The following KIF18B variants were observed in gnomAD, a reference collection of about 807,000 sequenced individuals.
KIF18B encodes kinesin family member 18B.
Under a neutral mutation model 80.9 loss-of-function variants are expected in KIF18B, and 49 were observed. The observed-to-expected ratio is 0.61, with a 90% CI of 0.48 to 0.77. KIF18B has a LOEUF of 0.77. Ranked by LOEUF, KIF18B falls within the 30% of genes least tolerant of loss-of-function variation. The pLI is 0.00. For synonymous variants in KIF18B, 439 were observed against 463.9 expected (o/e 0.95, Z 0.69); for missense variants, 994 against 1,127.7 (o/e 0.88, Z 1.70).
Position 44,926,479 on chromosome 17 carries a change from C to A in KIF18B, c.2387G>T (p.Arg796Leu). ...RVASSSVSHG[R>L]SRIARLPSST... is the part of the protein sequence containing the mutation. ...GCTGGGGAGGCGGGCGATGCGGCTG[C>A]GGCCATGGGAGACTGAGGAACTGAG... The change falls in exon 15 of 16, where the codon CGC (arginine) becomes CTC (leucine). Residue 796 changes from arginine (R) to leucine (L), a missense_variant. By Grantham distance (102) the Arg-to-Leu change is moderately radical (BLOSUM62 -2). Transcript: ENST00000593135. The A allele has an allele frequency of 6.3e-7, 1 of 1,586,774 alleles. No individual in the cohort carries two copies. The highest frequency in any genetic ancestry group is 8.6e-7 in the Non-Finnish European group (1 of 1,168,384).
chr17:44,940,214 T>C (rs1188048541), intron 1 of KIF18B, among the ~76,000 whole-genome samples: 3 of 152,264 alleles, frequency 2.0e-5, no homozygotes, highest in Non-Finnish European at 1.5e-5. Flanking sequence ...TCATTGATTA[T>C]CTTAAGTCTT....
At chr17:44,940,207 T>C (rs2052389579) in intron 1 of KIF18B, among the ~76,000 whole-genome samples, 1 of 152,258 alleles carries the variant, frequency 6.6e-6, no homozygotes, top group Non-Finnish European at 1.5e-5. Flanking sequence ...TAGATTGTCA[T>C]TGATTATCTT....
chr17:44,932,116 T>C lies in KIF18B; in HGVS notation c.1329A>G (p.Glu443=). 1 of 1,613,928 alleles carries C rather than the reference T, an allele frequency of 6.2e-7. No individual in the cohort carries two copies. The highest frequency in any genetic ancestry group is 8.5e-7 in the Non-Finnish European group (1 of 1,179,844). The change falls in exon 10 of 16, where the codon GAA becomes GAG. Residue 443 remains glutamate, a synonymous_variant. Coordinates refer to ENST00000593135, the MANE Select transcript of KIF18B (RefSeq NM_001265577.2). The part of the protein sequence containing the change: ...GMEAQVERAM[E]GNSSDQEQSP... ...ACTGCTCCTGGTCTGAAGAGTTCCC[T>C]TCCATGGCCCTCTCCACCTGGGCCT...
chr17:44,937,932 G>A (rs8072356), intron 1 of KIF18B, among the ~76,000 whole-genome samples: 90,015 of 151,302 alleles, frequency 0.59, 28,266 homozygotes, highest in African/African-American at 0.83. Context: ...TGGGGTTATT[G>A]TTAGGAAAGT....
In KIF18B at chr17:44,936,252, C is replaced by T; in HGVS notation, c.93G>A (p.Gln31=). ...ACACCAGCACCCGCTCGTCCACCACCTGAACCACTGGCCGCCGCTGACTGT... is the reference window on the plus strand; with the variant it reads ...ACACCAGCACCCGCTCGTCCACCACTTGAACCACTGGCCGCCGCTGACTGT... ...ELDSQRRPVV[Q]VVDERVLVFN... is the part of the protein sequence containing the mutation. The change falls in exon 2 of 16, where the codon CAG becomes CAA. Residue 31 remains glutamine (Q), a synonymous_variant. Coordinates refer to ENST00000593135, the MANE Select transcript of KIF18B (RefSeq NM_001265577.2). 5 of 1,610,896 alleles carry T rather than the reference C, an allele frequency of 3.1e-6. No homozygotes were observed. The highest frequency in any genetic ancestry group is 4.2e-6 in the Non-Finnish European group (5 of 1,179,170).
Position 44,927,014 on chromosome 17 carries a change from CA to C in KIF18B, c.2340del (p.Ala781ProfsTer27), listed in dbSNP as rs1315433807. On this transcript the variant is annotated frameshift_variant, in exon 14 of 16. Coordinates refer to ENST00000593135, the MANE Select transcript of KIF18B (RefSeq NM_001265577.2). LOFTEE classifies it high-confidence loss of function. This position sits in a 1 kb window ranked among gnomAD's most constrained non-coding sequence, Gnocchi z 4.1. ...CTCGCAACGCGCTTCTTCTTGCAGG[CA>C]GAGGTCCCAGGGAGGGAAGATGTTG... Reference protein sequence around the residue: ...PKPTSSLPGTSACKKKRVASS... With the variant: ...PKPTSSLPGTXACKKKRVASS... The C allele has an allele frequency of 6.2e-7, 1 of 1,612,272 alleles. No individual in the cohort carries two copies. The highest frequency in any genetic ancestry group is 8.5e-7 in the Non-Finnish European group (1 of 1,179,316).
At position 44,934,681 on chromosome 17, in the gene KIF18B, G is replaced by A; in HGVS notation, c.577-64C>T. ...CGGATCAGGACTTTTCCCCTAACAG[G>A]AAGGGCTGCTCTTCAGAATCTACAT... On this transcript the variant is annotated intron_variant, in intron 4 of 15. Coordinates refer to ENST00000593135, the MANE Select transcript of KIF18B (RefSeq NM_001265577.2). This position sits in a 1 kb window ranked among gnomAD's most constrained non-coding sequence, Gnocchi z 5.4. 2.9e-6 allele frequency: 4 copies of A among 1,396,852 alleles called. No individual in the cohort carries two copies. The highest frequency in any genetic ancestry group is 3.9e-6 in the Non-Finnish European group (4 of 1,028,294). The allele number at this position is 1,396,852 out of a possible 1,614,324, so 86.5% of individuals were successfully genotyped here.
chr17:44,946,256 G>C (rs1212613195), intron 1 of KIF18B, among the ~76,000 whole-genome samples: 1 of 152,058 alleles, frequency 6.6e-6, no homozygotes, highest in East Asian at 1.9e-4. Flanking sequence ...CAGTATACAT[G>C]TATACTTTTT....
At position 44,926,412 on chromosome 17, in the gene KIF18B, A is replaced by C; in HGVS notation, c.2452+2T>G. The C allele has an allele frequency of 6.4e-7, 1 of 1,569,850 alleles. No individual in the cohort carries two copies. Among genetic ancestry groups the C allele is most frequent in the Non-Finnish European group, 8.6e-7 (1 of 1,157,614 alleles). Reference sequence around the variant, plus strand: ...GCTATCCCTGTCCCTAGTGCCAGTCACCTGGGAGTACAAGGGGCCCAGCTG... The same window carrying C: ...GCTATCCCTGTCCCTAGTGCCAGTCCCCTGGGAGTACAAGGGGCCCAGCTG... On this transcript the variant is annotated splice_donor_variant, in intron 15 of 15. Coordinates refer to ENST00000593135, the MANE Select transcript of KIF18B (RefSeq NM_001265577.2). LOFTEE classifies it high-confidence loss of function.
In KIF18B at chr17:44,928,198, C is replaced by T. The variant is rs868670770; in HGVS notation, c.2104G>A (p.Gly702Ser). ...GAGCAGTTCTGCATGGCGGAAGGGC[C>T]CAGGGGCACCCGGCTTTTGATGACT... Reference protein sequence around the residue: ...ATVIKSRVPLGPSAMQNCSTP... With the variant: ...ATVIKSRVPLSPSAMQNCSTP... The change falls in exon 13 of 16, where the codon GGC becomes AGC. Residue 702 changes from glycine to serine, a missense_variant. By Grantham distance (56) the Gly-to-Ser change is moderately conservative. Coordinates refer to ENST00000593135, the MANE Select transcript of KIF18B (RefSeq NM_001265577.2). The T allele has an allele frequency of 1.2e-6, 2 of 1,612,374 alleles. No individual in the cohort carries two copies. Among genetic ancestry groups the T allele is most frequent in the South Asian group, 2.2e-5 (2 of 90,886 alleles).
chr17:44,939,859 C>G (rs2052383477), intron 1 of KIF18B, among the ~76,000 whole-genome samples: 1 of 152,194 alleles, frequency 6.6e-6, no homozygotes, highest in African/African-American at 2.4e-5. Context: ...ATCGCCCAGG[C>G]TGGAGTGCAG....
rs547086894 is a variant in KIF18B at position 44,934,101 on chromosome 17, TG to T, written c.886-3del. The stretch of plus-strand genomic sequence containing the variant: ...GTAGGGCACATGGGTCTTGCGGCCC[TG>T]GGGGGCAGTAAGCAGGTGTGGGGTG... On this transcript the variant is annotated splice_region_variant and splice_polypyrimidine_tract_variant and intron_variant, in intron 6 of 15. Coordinates refer to ENST00000593135, the MANE Select transcript of KIF18B (RefSeq NM_001265577.2). This position sits in a 1 kb window ranked among gnomAD's most constrained non-coding sequence, Gnocchi z 5.4. 4 of 1,612,000 alleles carry T rather than the reference TG, an allele frequency of 2.5e-6. No homozygotes were observed. The East Asian group carries it at 8.9e-5, about 36-fold the overall frequency.
At chr17:44,944,720 A>C (rs1318676658) in intron 1 of KIF18B, among the ~76,000 whole-genome samples, 1 of 152,230 alleles carries the variant, frequency 6.6e-6, no homozygotes, top group African/African-American at 2.4e-5. Context: ...ATTTTAAACT[A>C]ACTCAGTTTC....
chr17:44,927,994 C>T lies in KIF18B; in HGVS notation c.2276+32G>A. The T allele has an allele frequency of 6.7e-7, 1 of 1,499,386 alleles. No homozygotes were observed. Among genetic ancestry groups the T allele is most frequent in the Non-Finnish European group, 8.9e-7 (1 of 1,121,318 alleles). 92.9% of individuals were successfully genotyped at this position (1,499,386 alleles called of 1,614,324 possible). A position where few individuals can be genotyped will look rare whatever the true frequency, so the allele number is the denominator to read the frequency against. ...TCCCTTGCTGACCACTGACCACTGA[C>T]AGGAGGGGTGGAGCGAGACTGGGAG... On this transcript the variant is annotated intron_variant, in intron 13 of 15. Transcript: ENST00000593135. This position sits in a 1 kb window ranked among gnomAD's most constrained non-coding sequence, Gnocchi z 4.1.
At position 44,934,172 on chromosome 17, in the gene KIF18B, G is replaced by C; in HGVS notation, c.885+61C>G. On this transcript the variant is annotated intron_variant, in intron 6 of 15. Coordinates refer to ENST00000593135, the MANE Select transcript of KIF18B (RefSeq NM_001265577.2). This position sits in a 1 kb window ranked among gnomAD's most constrained non-coding sequence, Gnocchi z 5.4. ...CCCAGGATGGGGCCCTGTGGCCTTTGGCCCTGGGTTCAGGTGCTCAGTTGC... is the reference window on the plus strand; with the variant it reads ...CCCAGGATGGGGCCCTGTGGCCTTTCGCCCTGGGTTCAGGTGCTCAGTTGC... 6.3e-7 allele frequency: 1 copy of C among 1,595,370 alleles called. No individual in the cohort carries two copies. The highest frequency in any genetic ancestry group is 1.3e-5 in the African/African-American group (1 of 74,800).
intron 1 of KIF18B, among the ~76,000 whole-genome samples, chr17:44,947,013 G>A (rs1038349090): frequency 3.4e-5 from 5 of 147,712 alleles, no homozygotes; most frequent in Non-Finnish European, 5.9e-5. Context: ...GAAGGCTGAG[G>A]TAGGAGAATC....
intron 11 of KIF18B, 53 bp from the exon 12 acceptor site, chr17:44,929,077 G>A (rs988391091): frequency 4.2e-5 from 63 of 1,497,014 alleles, no homozygotes; most frequent in African/African-American, 5.5e-5. Context: ...GCCTGACCAG[G>A]AGCCTCTATG....
intron 1 of KIF18B, among the ~76,000 whole-genome samples, chr17:44,944,876 C>G (rs1449175536): frequency 6.6e-6 from 1 of 152,138 alleles, no homozygotes; most frequent in African/African-American, 2.4e-5. Context: ...TGCCGTTTCT[C>G]TTTCTTTTAA....
In KIF18B at chr17:44,936,084, C is replaced by T. The variant is rs773120577; in HGVS notation, c.261G>A (p.Gln87=). The T allele has an allele frequency of 2.5e-6, 4 of 1,613,814 alleles. No individual in the cohort carries two copies. The East Asian group carries it at 8.9e-5, about 36-fold the overall frequency. ...TGTCCAGGACGCTGTGCGTGGTGTG[C>T]TGGAACACGTCCTGTTGGGTGGCCG... The part of the protein sequence containing the change: ...GEAATQQDVF[Q]HTTHSVLDSF... The change falls in exon 2 of 16, where the codon CAG becomes CAA. Residue 87 remains glutamine, a synonymous_variant. Coordinates refer to ENST00000593135, the MANE Select transcript of KIF18B (RefSeq NM_001265577.2).
Sources: allele counts gnomAD v4.1 joint callset (sites outside exome capture counted in the v4.1 genomes callset), GRCh38; gene constraint gnomAD v4.1.1; non-coding constraint Gnocchi (gnomAD v3.1); transcripts MANE v1.5; gene names NCBI Gene and HGNC (gene_info 2026-07-23, HGNC 2026-07-21).